Variants in ASB13 observed in about 807,000 individuals in gnomAD.
The protein encoded by ASB13 is ankyrin repeat and SOCS box containing 13.
Under a neutral mutation model 28.8 loss-of-function variants are expected in ASB13, and 33 were observed. The observed-to-expected ratio is 1.15, with a 90% CI of 0.87 to 1.53. The LOEUF (loss-of-function observed/expected upper bound fraction) is 1.53, where lower values mean the gene tolerates loss of function less well. Among genes scored for constraint, ASB13 ranks in the 40% most tolerant of loss-of-function variants. The pLI is 0.00. For synonymous variants in ASB13, 182 were observed against 172.9 expected (o/e 1.05, Z -0.41); for missense variants, 414 against 390.1 (o/e 1.06, Z -0.52).
chr10:5,666,423 TC>T, intron 1 of ASB13, 85 bp downstream of exon 1: 9 of 1,149,872 alleles, frequency 7.8e-6, no homozygotes, highest in East Asian at 7.2e-5. Context: ...CGCCACCACC[TC>T]CCCGGCGCAG....
intron 1 of ASB13, among the ~76,000 whole-genome samples, chr10:5,654,722 T>A (rs1835044638): frequency 6.6e-6 from 1 of 152,220 alleles, no homozygotes; most frequent in South Asian, 2.1e-4. Context: ...CTCTTCTCAA[T>A]CAGCAGTTTC....
At position 5,661,650 on chromosome 10, in the gene ASB13, C is replaced by T. The variant is rs1166423860; in HGVS notation, c.43+4859G>A. On this transcript the variant is annotated intron_variant, in intron 1 of 5. Transcript: ENST00000357700. This position sits in a 1 kb window ranked among gnomAD's most constrained non-coding sequence, Gnocchi z 4.9. ...GCTGGGACTACAGGCCCATGCACCA[C>T]CACCACACTGGATAATTTTTGTATT... Among the ~76,000 whole-genome samples, 1 of 152,074 alleles carries T rather than the reference C, an allele frequency of 6.6e-6. No individual in the cohort carries two copies. Among genetic ancestry groups the T allele is most frequent in the Admixed American group, 6.6e-5 (1 of 15,262 alleles).
chr10:5,648,646 GCGGGCAAACACCCACT>G (rs1203414525), intron 4 of ASB13, among the ~76,000 whole-genome samples: 5 of 131,414 alleles, frequency 3.8e-5, no homozygotes, highest in African/African-American at 5.9e-5. Context: ...AAACACCCAC[GCGGGCAAACACCCACT>G]CGGGCAAACA....
rs529895232 is a variant in ASB13, at chr10:5,643,206, G to A, written c.518-1245C>T. 8.9e-4 allele frequency among the ~76,000 whole-genome samples: 135 copies of A among 152,278 alleles called. 1 individual carries two copies. Among genetic ancestry groups the A allele is most frequent in the Middle Eastern group, 3.4e-3 (1 of 294 alleles). ...AAACATAAAGTATTATCAAAAGTGG[G>A]ATTTTAAAACAATCAGACACTAGCA... On this transcript the variant is annotated intron_variant, in intron 4 of 5. Transcript: ENST00000357700.
At chr10:5,662,311 G>A (rs186519550) in intron 1 of ASB13, among the ~76,000 whole-genome samples, 2 of 152,048 alleles carry the variant, frequency 1.3e-5, no homozygotes, top group Non-Finnish European at 2.9e-5. Flanking sequence ...CTGAGGTCAA[G>A]AGTTCGAGAT....
rs766777392 is a variant in ASB13, at chr10:5,650,609, T to C, written c.382+604A>G. On this transcript the variant is annotated intron_variant, in intron 3 of 5. Coordinates refer to ENST00000357700, the MANE Select transcript of ASB13 (RefSeq NM_024701.4). This position sits in a 1 kb window ranked among gnomAD's most constrained non-coding sequence, Gnocchi z 6.0. Reference sequence around the variant, plus strand: ...AACTCCTTAGTCTGTCATTTAAACATCTTCCCACCAGCTGGTCTCACCCTA... The same window carrying C: ...AACTCCTTAGTCTGTCATTTAAACACCTTCCCACCAGCTGGTCTCACCCTA... 1.3e-5 allele frequency among the ~76,000 whole-genome samples: 2 copies of C among 152,270 alleles called. No individual in the cohort carries two copies. Among genetic ancestry groups the C allele is most frequent in the East Asian group, 3.8e-4 (2 of 5,204 alleles).
rs1272359342 is a variant in ASB13, at chr10:5,642,514, C to A, written c.518-553G>T. ...TTCAGAGAAGAGAGTAAGCTCTGCA[C>A]TCCTCAACTTTCTCACGATAAGAGC... is the stretch of plus-strand genomic sequence containing the variant. On this transcript the variant is annotated intron_variant, in intron 4 of 5. Coordinates refer to ENST00000357700, the MANE Select transcript of ASB13 (RefSeq NM_024701.4). This position sits in a 1 kb window ranked among gnomAD's most constrained non-coding sequence, Gnocchi z 4.1. The A allele has an allele frequency of 3.2e-6, 4 of 1,244,428 alleles. No individual in the cohort carries two copies. Among genetic ancestry groups the A allele is most frequent in the Non-Finnish European group, 4.1e-6 (4 of 975,666 alleles). The allele number at this position is 1,244,428 out of a possible 1,614,324, so 77.1% of individuals were successfully genotyped here.
Position 5,642,617 on chromosome 10 carries a change from T to TG in ASB13, c.518-657dup, listed in dbSNP as rs1834826939. The TG allele has an allele frequency of 1.3e-6, 1 of 781,030 alleles. No individual in the cohort carries two copies. The highest frequency in any genetic ancestry group is 1.8e-6 in the Non-Finnish European group (1 of 560,784). 48.4% of individuals were successfully genotyped at this position (781,030 alleles called of 1,614,324 possible). A position where few individuals can be genotyped will look rare whatever the true frequency, so the allele number is the denominator to read the frequency against. On this transcript the variant is annotated intron_variant, in intron 4 of 5. Coordinates refer to ENST00000357700, the MANE Select transcript of ASB13 (RefSeq NM_024701.4). The surrounding 1 kb of genome is among the most constrained non-coding windows in gnomAD (Gnocchi z 4.1). ...AAAAAAGAGCAGACATTCAGAAAGA[T>TG]GCAAGGAATTAGTAGCTAAATATGG...
chr10:5,659,495 ACT>A lies in ASB13; in HGVS notation c.44-6447_44-6446del, dbSNP rs1835125595. On this transcript the variant is annotated intron_variant, in intron 1 of 5. Transcript: ENST00000357700. The surrounding 1 kb of genome is among the most constrained non-coding windows in gnomAD (Gnocchi z 5.8). ...TGTCCAGTGACACCAAACTCTACCG[ACT>A]CACACAGAGTCCAGTGGCTGCAAGT... Among the ~76,000 whole-genome samples the A allele has an allele frequency of 6.6e-6, 1 of 151,858 alleles. No individual in the cohort carries two copies. The highest frequency in any genetic ancestry group is 6.6e-5 in the Admixed American group (1 of 15,258).
Position 5,658,723 on chromosome 10 carries a change from C to T in ASB13, c.44-5673G>A, listed in dbSNP as rs546930793. On this transcript the variant is annotated intron_variant, in intron 1 of 5. Coordinates refer to ENST00000357700, the MANE Select transcript of ASB13 (RefSeq NM_024701.4). The surrounding 1 kb of genome is among the most constrained non-coding windows in gnomAD (Gnocchi z 4.2). ...CTTTTGTGTTCTGTGCTCTCTACTA[C>T]AATTAAAAATAGAAAAAAAAAATTT... Among the ~76,000 whole-genome samples the T allele has an allele frequency of 3.2e-4, 49 of 152,006 alleles. No homozygotes were observed. The highest frequency in any genetic ancestry group is 1.2e-3 in the African/African-American group (48 of 41,404).
In ASB13 at chr10:5,652,147, A is replaced by C. The variant is rs1479362669; in HGVS notation, c.231+716T>G. On this transcript the variant is annotated intron_variant, in intron 2 of 5. Coordinates refer to ENST00000357700, the MANE Select transcript of ASB13 (RefSeq NM_024701.4). This position sits in a 1 kb window ranked among gnomAD's most constrained non-coding sequence, Gnocchi z 5.0. The stretch of plus-strand genomic sequence containing the variant: ...AAAGTCAGAGGCCAGGAAAAAGGCA[A>C]CTCCCCAAATTGGCAAATTTTATTT... Among the ~76,000 whole-genome samples the C allele has an allele frequency of 6.6e-6, 1 of 151,750 alleles. No individual in the cohort carries two copies. Among genetic ancestry groups the C allele is most frequent in the Non-Finnish European group, 1.5e-5 (1 of 67,954 alleles).
In ASB13 at chr10:5,642,483, A is replaced by T. The variant is rs894866613; in HGVS notation, c.518-522T>A. ...AAACAGATAACGTACCCAAAACAGT[A>T]GGCAATTCAGAGAAGAGAGTAAGCT... On this transcript the variant is annotated intron_variant, in intron 4 of 5. Coordinates refer to ENST00000357700, the MANE Select transcript of ASB13 (RefSeq NM_024701.4). The surrounding 1 kb of genome is among the most constrained non-coding windows in gnomAD (Gnocchi z 4.1). 4.2e-6 allele frequency: 5 copies of T among 1,203,336 alleles called. No individual in the cohort carries two copies. In the African/African-American group the frequency reaches 8.1e-5, roughly 19 times the overall value. The allele number at this position is 1,203,336 out of a possible 1,614,324, so 74.5% of individuals were successfully genotyped here. A position where few individuals can be genotyped will look rare whatever the true frequency, so the allele number is the denominator to read the frequency against.
chr10:5,660,274 C>T lies in ASB13; in HGVS notation c.43+6235G>A, dbSNP rs184368079. ...CTTCAGAACGTTCTCTCCACTCTTCCACCCACGATACGACCTTACTGGCTA... is the reference window on the plus strand; with the variant it reads ...CTTCAGAACGTTCTCTCCACTCTTCTACCCACGATACGACCTTACTGGCTA... On this transcript the variant is annotated intron_variant, in intron 1 of 5. Transcript: ENST00000357700. This position sits in a 1 kb window ranked among gnomAD's most constrained non-coding sequence, Gnocchi z 6.1. 5.9e-5 allele frequency among the ~76,000 whole-genome samples: 9 copies of T among 152,342 alleles called. No individual in the cohort carries two copies. The highest frequency in any genetic ancestry group is 8.8e-5 in the Non-Finnish European group (6 of 68,036).
At chr10:5,653,873 G>A (rs1354991585) in intron 1 of ASB13, among the ~76,000 whole-genome samples, 1 of 152,024 alleles carries the variant, frequency 6.6e-6, no homozygotes, top group Non-Finnish European at 1.5e-5. Flanking sequence ...GTAGAGATGG[G>A]GTTTCACCAT....
chr10:5,641,793 G>A lies in ASB13; in HGVS notation c.686C>T (p.Ala229Val). The A allele has an allele frequency of 6.2e-7, 1 of 1,603,748 alleles. No individual in the cohort carries two copies. The highest frequency in any genetic ancestry group is 8.5e-7 in the Non-Finnish European group (1 of 1,174,926). The change falls in exon 5 of 6, where the codon GCC becomes GTC. Residue 229 changes from alanine (A) to valine (V), a missense_variant. Coordinates refer to ENST00000357700, the MANE Select transcript of ASB13 (RefSeq NM_024701.4). This position sits in a 1 kb window ranked among gnomAD's most constrained non-coding sequence, Gnocchi z 8.4. Reference protein sequence around the residue: ...SDYTWSSSAPAKCFEYYEKTP... With the variant: ...SDYTWSSSAPVKCFEYYEKTP... ...ACTTTCGTAGTACTCGAAGCACTTG[G>A]CGGGAGCGCTGCTGCTCCACGTGTA...
rs1834863274 is a variant in ASB13, at chr10:5,645,103, G to C, written c.518-3142C>G. 1.3e-5 allele frequency among the ~76,000 whole-genome samples: 2 copies of C among 152,138 alleles called. No homozygotes were observed. The highest frequency in any genetic ancestry group is 4.8e-5 in the African/African-American group (2 of 41,490). On this transcript the variant is annotated intron_variant, in intron 4 of 5. Coordinates refer to ENST00000357700, the MANE Select transcript of ASB13 (RefSeq NM_024701.4). The surrounding 1 kb of genome is among the most constrained non-coding windows in gnomAD (Gnocchi z 5.4). ...AAAATCCTGCTTTCAACACAAAATA[G>C]GATTAAAGTGGATTCAGAGAACCCG...
In ASB13 at chr10:5,661,249, G is replaced by A. The variant is rs111925364; in HGVS notation, c.43+5260C>T. ...GCCCATCCTCCACACTGCCCTGCCTGCACCCACACTGGCGGGCCTCACTTG... is the reference window on the plus strand; with the variant it reads ...GCCCATCCTCCACACTGCCCTGCCTACACCCACACTGGCGGGCCTCACTTG... On this transcript the variant is annotated intron_variant, in intron 1 of 5. Coordinates refer to ENST00000357700, the MANE Select transcript of ASB13 (RefSeq NM_024701.4). The surrounding 1 kb of genome is among the most constrained non-coding windows in gnomAD (Gnocchi z 4.9). Among the ~76,000 whole-genome samples, 1,877 of 152,230 alleles carry A rather than the reference G, an allele frequency of 0.012. 41 individuals carry two copies. Among genetic ancestry groups the A allele is most frequent in the African/African-American group, 0.043 (1,801 of 41,532 alleles).
intron 1 of ASB13, among the ~76,000 whole-genome samples, chr10:5,653,810 T>G (rs945564392): frequency 1.3e-5 from 2 of 152,198 alleles, no homozygotes; most frequent in Non-Finnish European, 1.5e-5. Flanking sequence ...GCCTCCCAAG[T>G]AGCTGGGATT....
At position 5,662,532 on chromosome 10, in the gene ASB13, A is replaced by AGT. The variant is rs1238318808; in HGVS notation, c.43+3976_43+3977insAC. On this transcript the variant is annotated intron_variant, in intron 1 of 5. Transcript: ENST00000357700. ...GCGACAGACTGAGACTCTGTCGAGA[A>AGT]GGGGGGGGGAGGGGAGGGGAGGGGA... Among the ~76,000 whole-genome samples, 7 of 17,596 alleles carry AGT rather than the reference A, an allele frequency of 4.0e-4. 1 individual carries two copies. The highest frequency in any genetic ancestry group is 6.7e-4 in the Non-Finnish European group (6 of 9,010). 11.5% of individuals were successfully genotyped at this position (17,596 alleles called of 152,430 possible).
Sources: allele counts gnomAD v4.1 joint callset (sites outside exome capture counted in the v4.1 genomes callset), GRCh38; gene constraint gnomAD v4.1.1; non-coding constraint Gnocchi (gnomAD v3.1); transcripts MANE v1.5; gene names NCBI Gene and HGNC (gene_info 2026-07-23, HGNC 2026-07-21).